The following RECK variants were observed in gnomAD, a reference collection of about 807,000 sequenced individuals.
RECK encodes the protein reversion inducing cysteine rich protein with kazal motifs, also known as reversion-inducing cysteine-rich protein with Kazal motifs.
In RECK, 69 loss-of-function variants were observed where a neutral mutation model predicts 115.1. That is an observed-to-expected ratio of 0.60 (90% CI 0.49 to 0.73). RECK has a LOEUF of 0.73. Ranked by LOEUF, RECK falls within the 30% of genes least tolerant of loss-of-function variation. The probability of loss-of-function intolerance (pLI) is 0.00; values close to 1 mark genes in which losing one functional copy is unlikely to be tolerated. For synonymous variants in RECK, 414 were observed against 419.7 expected (o/e 0.99, Z 0.17); for missense variants, 1,047 against 1,203.7 (o/e 0.87, Z 1.93).
intron 20 of RECK, 89 bp from the exon 21 acceptor site, chr9:36,122,735 T>C: frequency 2.0e-6 from 2 of 1,004,474 alleles, no homozygotes; most frequent in South Asian, 1.5e-5. Flanking sequence ...GAGGCCACGC[T>C]ACTTTTAGGA....
chr9:36,114,798 T>C (rs1224514415), intron 16 of RECK, among the ~76,000 whole-genome samples: 1 of 151,986 alleles, frequency 6.6e-6, no homozygotes, highest in African/African-American at 2.4e-5. Flanking sequence ...TAAGCCGAGA[T>C]GGTGCCACTG....
At chr9:36,052,696 A>T (rs1399938659) in intron 2 of RECK, among the ~76,000 whole-genome samples, 3 of 152,138 alleles carry the variant, frequency 2.0e-5, no homozygotes, top group Non-Finnish European at 4.4e-5. Flanking sequence ...AGTTTGAGGA[A>T]TATTCCTCAA....
intron 13 of RECK, among the ~76,000 whole-genome samples, chr9:36,107,164 A>G (rs1299014209): frequency 6.6e-6 from 1 of 151,818 alleles, no homozygotes; most frequent in Non-Finnish European, 1.5e-5. Flanking sequence ...CATTAAACTC[A>G]GAAAACCCAT....
intron 6 of RECK, among the ~76,000 whole-genome samples, chr9:36,069,219 T>C (rs895684009): frequency 1.3e-5 from 2 of 152,082 alleles, no homozygotes; most frequent in African/African-American, 2.4e-5. Flanking sequence ...ATGTTTAATA[T>C]GTTTAAGAAA....
Position 36,122,923 on chromosome 9 carries a change from T to A in RECK, c.2794T>A (p.Ser932Thr). The change falls in exon 21 of 21, where the codon TCC (serine) becomes ACC (threonine). Residue 932 changes from serine (S) to threonine (T), a missense_variant. Physicochemically the swap from Ser to Thr is moderately conservative, Grantham distance 58. Coordinates refer to ENST00000377966, the MANE Select transcript of RECK (RefSeq NM_021111.3). The stretch of plus-strand genomic sequence containing the variant: ...TGTCCCTCTCTCTGCCCTCATCATT[T>A]CCCAGGTACAGGTCTCCAGCAGTGT... ...SHVPLSALII[S>T]QVQVSSSVPS... 1 of 1,614,174 alleles carries A rather than the reference T, an allele frequency of 6.2e-7. No individual in the cohort carries two copies. Among genetic ancestry groups the A allele is most frequent in the East Asian group, 2.2e-5 (1 of 44,882 alleles).
chr9:36,083,845 AT>A (rs1822832225), intron 8 of RECK, among the ~76,000 whole-genome samples: 1 of 152,186 alleles, frequency 6.6e-6, no homozygotes, highest in Non-Finnish European at 1.5e-5. Flanking sequence ...GACCATTAGG[AT>A]TTCAAATTAT....
At chr9:36,043,569 G>C (rs931967396) in intron 1 of RECK, among the ~76,000 whole-genome samples, 1 of 151,712 alleles carries the variant, frequency 6.6e-6, no homozygotes, top group African/African-American at 2.4e-5. Flanking sequence ...TTTGCTTTAG[G>C]GTTCTCGGTC....
intron 14 of RECK, among the ~76,000 whole-genome samples, chr9:36,109,626 A>G (rs1286548003): frequency 6.6e-6 from 1 of 152,212 alleles, no homozygotes; most frequent in Non-Finnish European, 1.5e-5. Flanking sequence ...GGCAGATGGC[A>G]TGAGCCTAGG....
At chr9:36,079,234 A>G (rs1261232214) in intron 6 of RECK, among the ~76,000 whole-genome samples, 1 of 152,214 alleles carries the variant, frequency 6.6e-6, no homozygotes, top group Non-Finnish European at 1.5e-5. Flanking sequence ...AGATCATTTT[A>G]AAAGTGTTCC....
At chr9:36,109,931 C>T in intron 14 of RECK, 26 bp from the exon 15 acceptor site, 1 of 1,586,126 alleles carries the variant, frequency 6.3e-7, no homozygotes, top group South Asian at 1.1e-5. Flanking sequence ...TGATATAGAT[C>T]AACATTTTCT....
chr9:36,067,214 G>A (rs1822040459), intron 6 of RECK, among the ~76,000 whole-genome samples: 1 of 152,138 alleles, frequency 6.6e-6, no homozygotes, highest in African/African-American at 2.4e-5. Context: ...TAAATTTGGT[G>A]TAATATAGCC....
rs1564130765 is a variant in RECK at position 36,104,305 on chromosome 9, T to TGC, written c.1436-838_1436-837insGC. ...GTGTGTGTGTGTGTATATATATATA[T>TGC]ATATATATATATATATATATATTTT... On this transcript the variant is annotated intron_variant, in intron 12 of 20. Coordinates refer to ENST00000377966, the MANE Select transcript of RECK (RefSeq NM_021111.3). 4.3e-3 allele frequency among the ~76,000 whole-genome samples: 268 copies of TGC among 62,784 alleles called. 12 individuals carry two copies. Among genetic ancestry groups the TGC allele is most frequent in the African/African-American group, 0.018 (208 of 11,270 alleles). 41.2% of individuals were successfully genotyped at this position (62,784 alleles called of 152,430 possible).
intron 9 of RECK, 31 bp downstream of exon 9, chr9:36,087,992 A>G (rs776257587): frequency 2.6e-6 from 4 of 1,548,334 alleles, no homozygotes; most frequent in Non-Finnish European, 3.5e-6. Context: ...TACCAAAATC[A>G]GTAGAAAATG....
intron 1 of RECK, among the ~76,000 whole-genome samples, chr9:36,044,697 A>G (rs998017030): frequency 6.6e-6 from 1 of 152,158 alleles, no homozygotes. Context: ...CATGGCCTAG[A>G]GTTGTTGGAG....
At chr9:36,077,260 C>G (rs925740803) in intron 6 of RECK, among the ~76,000 whole-genome samples, 2 of 152,042 alleles carry the variant, frequency 1.3e-5, no homozygotes, top group African/African-American at 4.8e-5. Context: ...AGAAAGTTAC[C>G]TTTCAAAAGT....
chr9:36,074,742 A>G (rs965793941), intron 6 of RECK, among the ~76,000 whole-genome samples: 1 of 152,218 alleles, frequency 6.6e-6, no homozygotes, highest in African/African-American at 2.4e-5. Flanking sequence ...GAATGCATGG[A>G]GAAAGTGCTC....
chr9:36,107,959 A>G lies in RECK; in HGVS notation c.1577-17A>G. 1 of 1,597,090 alleles carries G rather than the reference A, an allele frequency of 6.3e-7. No homozygotes were observed. Among genetic ancestry groups the G allele is most frequent in the Non-Finnish European group, 8.5e-7 (1 of 1,170,474 alleles). On this transcript the variant is annotated splice_polypyrimidine_tract_variant and intron_variant, in intron 13 of 20. Coordinates refer to ENST00000377966, the MANE Select transcript of RECK (RefSeq NM_021111.3). ...TAGAACAGTACCATCTCTCTCAGCT[A>G]ATTTTTGCTTGTACAGGTTGCAAAC... is the stretch of plus-strand genomic sequence containing the variant.
chr9:36,121,198 C>G (rs1824448901), intron 19 of RECK, among the ~76,000 whole-genome samples: 1 of 152,214 alleles, frequency 6.6e-6, no homozygotes. Flanking sequence ...AAATGTTGCA[C>G]CCAACACTTG....
Position 36,100,367 on chromosome 9 carries a change from A to G in RECK, c.1122A>G (p.Ser374=). 6.2e-7 allele frequency: 1 copy of G among 1,614,140 alleles called. No individual in the cohort carries two copies. Among genetic ancestry groups the G allele is most frequent in the Non-Finnish European group, 8.5e-7 (1 of 1,179,974 alleles). Residue 374 remains serine, a synonymous_variant, in exon 11 of 21, where the codon TCA becomes TCG. Coordinates refer to ENST00000377966, the MANE Select transcript of RECK (RefSeq NM_021111.3). ...TELFRSCNAQ[S]DQGAMNDMKL... Reference sequence around the variant, plus strand: ...TTTTCAGGAGTTGTAATGCACAGTCAGATCAAGGAGCCATGAATGACATGA... The same window carrying G: ...TTTTCAGGAGTTGTAATGCACAGTCGGATCAAGGAGCCATGAATGACATGA...
Sources: gnomAD v4.1 joint callset for allele counts (sites outside exome capture counted in the v4.1 genomes callset) on GRCh38, gnomAD v4.1.1 for gene constraint, MANE v1.5 for transcripts, NCBI Gene and HGNC (gene_info 2026-07-23, HGNC 2026-07-21) for gene names.